Variants in KCNH1 observed in about 807,000 individuals in gnomAD.
KCNH1 encodes voltage-gated delayed rectifier potassium channel KCNH1.
A neutral mutation model predicts 69.2 loss-of-function variants in KCNH1; 27 were observed. The observed-to-expected ratio is 0.39, with a 90% CI of 0.29 to 0.54. The LOEUF (loss-of-function observed/expected upper bound fraction) is 0.54, where lower values mean the gene tolerates loss of function less well. KCNH1 is among the 20% of genes least tolerant of loss of function. KCNH1 has a pLI of 0.68. For synonymous variants in KCNH1, 456 were observed against 487.7 expected (o/e 0.93, Z 0.86); for missense variants, 798 against 1,261.6 (o/e 0.63, Z 5.57).
intron 6 of KCNH1, among the ~76,000 whole-genome samples, chr1:210,983,121 G>C (rs1213544850): frequency 2.2e-5 from 3 of 137,616 alleles, no homozygotes; most frequent in African/African-American, 7.9e-5. Flanking sequence ...GGGGTTGTTT[G>C]TTTTTTTCTT....
chr1:211,085,573 A>G (rs983384949), intron 4 of KCNH1, among the ~76,000 whole-genome samples: 6 of 152,158 alleles, frequency 3.9e-5, no homozygotes, highest in African/African-American at 9.7e-5. Flanking sequence ...GGCCTGGGCC[A>G]GGGGTCAAGG....
intron 10 of KCNH1, among the ~76,000 whole-genome samples, chr1:210,704,272 C>A (rs1249171245): frequency 6.6e-6 from 1 of 152,134 alleles, no homozygotes; most frequent in Non-Finnish European, 1.5e-5. Flanking sequence ...GACTTCCTGG[C>A]CATTTCAGCG....
chr1:210,992,970 C>A (rs1427747894), intron 6 of KCNH1, among the ~76,000 whole-genome samples: 1 of 152,096 alleles, frequency 6.6e-6, no homozygotes, highest in Non-Finnish European at 1.5e-5. Context: ...AAGCTGTCTC[C>A]AGCACCTCCA....
At chr1:210,795,566 G>A (rs963845464) in intron 9 of KCNH1, among the ~76,000 whole-genome samples, 4 of 152,080 alleles carry the variant, frequency 2.6e-5, no homozygotes, top group South Asian at 4.1e-4. Context: ...GTTGGCTTAG[G>A]ACCAAAAAAC....
chr1:211,009,994 G>T (rs1423034484), intron 6 of KCNH1, among the ~76,000 whole-genome samples: 1 of 152,198 alleles, frequency 6.6e-6, no homozygotes, highest in Non-Finnish European at 1.5e-5. Context: ...TTGTCAGTCT[G>T]AGGAGAGAGG....
chr1:211,113,974 T>TCACA lies in KCNH1; in HGVS notation c.80-6601_80-6598dup, dbSNP rs371049407. Reference sequence around the variant, plus strand: ...CTCTGTCTCTCTCTCTCTCTCTCTCTCACACACACACACACACACACACAC... The same window carrying TCACA: ...CTCTGTCTCTCTCTCTCTCTCTCTCTCACACACACACACACACACACACACACAC... On this transcript the variant is annotated intron_variant, in intron 1 of 10. Transcript: ENST00000271751. Among the ~76,000 whole-genome samples, 210 of 142,476 alleles carry TCACA rather than the reference T, an allele frequency of 1.5e-3. 1 individual carries two copies. The highest frequency in any genetic ancestry group is 4.7e-3 in the East Asian group (23 of 4,928). 93.5% of individuals were successfully genotyped at this position (142,476 alleles called of 152,430 possible). A position where few individuals can be genotyped will look rare whatever the true frequency, so the allele number is the denominator to read the frequency against.
At chr1:211,050,215 G>A (rs1690171903) in intron 5 of KCNH1, among the ~76,000 whole-genome samples, 1 of 130,026 alleles carries the variant, frequency 7.7e-6, no homozygotes, top group Non-Finnish European at 1.5e-5. Flanking sequence ...AACGACTTGG[G>A]TTTTTATGAC....
chr1:210,692,245 C>T (rs972492948), intron 10 of KCNH1, among the ~76,000 whole-genome samples: 4 of 152,190 alleles, frequency 2.6e-5, no homozygotes, highest in Non-Finnish European at 5.9e-5. Context: ...GTGGATTGGA[C>T]ATATCTACTT....
At chr1:210,923,496 T>C (rs1236234587) in intron 6 of KCNH1, among the ~76,000 whole-genome samples, 1 of 152,228 alleles carries the variant, frequency 6.6e-6, no homozygotes, top group Non-Finnish European at 1.5e-5. Flanking sequence ...CCAAAAGCTA[T>C]GCTATCCTCT....
At chr1:210,717,332 G>C (rs930380331) in intron 10 of KCNH1, among the ~76,000 whole-genome samples, 1 of 152,216 alleles carries the variant, frequency 6.6e-6, no homozygotes, top group Middle Eastern at 3.2e-3. Context: ...AACCTGGATG[G>C]ATCAGGATAT....
rs576819211 is a variant in KCNH1, at chr1:210,882,621, T to C, written c.1462+37019A>G. Among the ~76,000 whole-genome samples the C allele has an allele frequency of 5.9e-5, 9 of 152,324 alleles. No individual in the cohort carries two copies. In the East Asian group the frequency reaches 1.4e-3, roughly 23 times the overall value. ...ACTTTTAAGACTAGAAGAGGAACTT[T>C]CTGGTTCCTTTGCTATGAGTCAGAG... On this transcript the variant is annotated intron_variant, in intron 7 of 10. Coordinates refer to ENST00000271751, the MANE Select transcript of KCNH1 (RefSeq NM_172362.3).
At chr1:210,759,694 C>A (rs2102348963) in intron 10 of KCNH1, among the ~76,000 whole-genome samples, 1 of 152,080 alleles carries the variant, frequency 6.6e-6, no homozygotes, top group Non-Finnish European at 1.5e-5. Context: ...ATAATGTAAC[C>A]AAATACATGA....
intron 6 of KCNH1, among the ~76,000 whole-genome samples, chr1:210,997,196 A>C (rs1411526716): frequency 6.6e-6 from 1 of 152,240 alleles, no homozygotes; most frequent in Non-Finnish European, 1.5e-5. Context: ...AGAAGGCTTC[A>C]GACGATCAAA....
rs143600035 is a variant in KCNH1, at chr1:210,762,105, A to C, written c.2112+13243T>G. 4.1e-3 allele frequency among the ~76,000 whole-genome samples: 630 copies of C among 152,294 alleles called. 1 individual carries two copies. The highest frequency in any genetic ancestry group is 0.014 in the African/African-American group (595 of 41,560). On this transcript the variant is annotated intron_variant, in intron 10 of 10. Coordinates refer to ENST00000271751, the MANE Select transcript of KCNH1 (RefSeq NM_172362.3). ...AACTACCCAAATACATGGAAACTAA[A>C]CAACTTGCTCCTGAATGACTTTTAG...
At chr1:211,101,951 C>T (rs6687686) in intron 3 of KCNH1, among the ~76,000 whole-genome samples, 62,627 of 151,900 alleles carry the variant, frequency 0.41, 13,209 homozygotes, top group Admixed American at 0.46. Context: ...GGCTGACATG[C>T]CACTTTGGAG....
chr1:210,946,015 C>A (rs551031495), intron 6 of KCNH1, among the ~76,000 whole-genome samples: 1 of 152,174 alleles, frequency 6.6e-6, no homozygotes, highest in Admixed American at 6.5e-5. Flanking sequence ...CCTCAGCACC[C>A]AGAACACTGC....
At chr1:210,986,757 G>A (rs1477155627) in intron 6 of KCNH1, among the ~76,000 whole-genome samples, 1 of 152,114 alleles carries the variant, frequency 6.6e-6, no homozygotes, top group African/African-American at 2.4e-5. Flanking sequence ...TGACAATTAT[G>A]TGTCTTGGAG....
chr1:210,879,223 G>A (rs753105040), intron 7 of KCNH1, among the ~76,000 whole-genome samples: 34 of 151,898 alleles, frequency 2.2e-4, no homozygotes, highest in South Asian at 4.1e-4. Context: ...ATCTATGATC[G>A]CTTTCAAAAT....
At chr1:211,079,001 C>A (rs1347039920) in intron 5 of KCNH1, among the ~76,000 whole-genome samples, 3 of 148,914 alleles carry the variant, frequency 2.0e-5, no homozygotes, top group Non-Finnish European at 1.5e-5. Flanking sequence ...ACAAAAAAAA[C>A]CTTCAAAAAA....
Sources: allele counts gnomAD v4.1 joint callset (sites outside exome capture counted in the v4.1 genomes callset), GRCh38; gene constraint gnomAD v4.1.1; transcripts MANE v1.5; gene names NCBI Gene and HGNC (gene_info 2026-07-23, HGNC 2026-07-21).